Variants in PRKCA observed in about 807,000 individuals in gnomAD.
PRKCA encodes protein kinase C alpha, also known as protein kinase C alpha type.
PRKCA carries 27 observed loss-of-function variants against 87.0 expected under a neutral mutation model. The observed-to-expected ratio is 0.31, with a 90% CI of 0.23 to 0.43. The LOEUF (loss-of-function observed/expected upper bound fraction) is 0.43. PRKCA is among the 20% of genes least tolerant of loss of function. PRKCA has a pLI of 1.00. For synonymous variants in PRKCA, 329 were observed against 311.1 expected, an observed-to-expected ratio of 1.06 and a Z score of -0.61; for missense variants, 518 against 852.3, an observed-to-expected ratio of 0.61 and a Z score of 4.88.
At chr17:66,693,627 C>T (rs939266759) in intron 8 of PRKCA, among the ~76,000 whole-genome samples, 15 of 152,140 alleles carry the variant, frequency 9.9e-5, no homozygotes, top group African/African-American at 3.4e-4. Context: ...ATGAGGCTCA[C>T]GGCCAGAGTT....
intron 11 of PRKCA, among the ~76,000 whole-genome samples, chr17:66,740,682 C>G (rs1974140546): frequency 6.6e-6 from 1 of 152,132 alleles, no homozygotes; most frequent in Admixed American, 6.5e-5. Flanking sequence ...TTAAAATACT[C>G]AGATTGTAAA....
At chr17:66,673,871 G>T (rs1375688151) in intron 5 of PRKCA, among the ~76,000 whole-genome samples, 1 of 152,184 alleles carries the variant, frequency 6.6e-6, no homozygotes, top group Admixed American at 6.5e-5. Flanking sequence ...GTGCTCTTTT[G>T]TCTTTGTGGG....
At chr17:66,392,567 A>C (rs976668941) in intron 2 of PRKCA, among the ~76,000 whole-genome samples, 1 of 152,124 alleles carries the variant, frequency 6.6e-6, no homozygotes, top group African/African-American at 2.4e-5. Context: ...GTCATTGAAA[A>C]AGTGCCTTTA....
chr17:66,462,278 A>G (rs1914888324), intron 2 of PRKCA, among the ~76,000 whole-genome samples: 1 of 152,182 alleles, frequency 6.6e-6, no homozygotes, highest in African/African-American at 2.4e-5. Flanking sequence ...ATTTTGTAGT[A>G]CACAAAGGGG....
intron 2 of PRKCA, among the ~76,000 whole-genome samples, chr17:66,343,469 G>A (rs1286936874): frequency 6.6e-6 from 1 of 152,112 alleles, no homozygotes; most frequent in African/African-American, 2.4e-5. Context: ...CTATTGAAGT[G>A]GTGTAAGTGA....
chr17:66,565,879 G>C (rs180800356), intron 3 of PRKCA, among the ~76,000 whole-genome samples: 2 of 152,058 alleles, frequency 1.3e-5, no homozygotes, highest in Admixed American at 6.6e-5. Context: ...CTGTTTTTGA[G>C]TCCGTTGACT....
intron 3 of PRKCA, among the ~76,000 whole-genome samples, chr17:66,576,280 A>G (rs916630003): frequency 6.6e-6 from 1 of 152,258 alleles, no homozygotes; most frequent in Non-Finnish European, 1.5e-5. Flanking sequence ...GGATATGTGC[A>G]TGGGAAGATG....
intron 2 of PRKCA, among the ~76,000 whole-genome samples, chr17:66,494,450 G>C (rs1916378076): frequency 6.6e-6 from 1 of 152,168 alleles, no homozygotes; most frequent in Non-Finnish European, 1.5e-5. Flanking sequence ...GAAGGCAGAA[G>C]GGCAAAGAGA....
chr17:66,658,957 G>C (rs1971812403), intron 5 of PRKCA, among the ~76,000 whole-genome samples: 1 of 152,170 alleles, frequency 6.6e-6, no homozygotes, highest in Non-Finnish European at 1.5e-5. Context: ...AAATTGGAAG[G>C]CCTCTGTATG....
At chr17:66,754,494 C>T (rs940913662) in intron 13 of PRKCA, among the ~76,000 whole-genome samples, 14 of 152,122 alleles carry the variant, frequency 9.2e-5, no homozygotes, top group Non-Finnish European at 1.2e-4. Context: ...CAGTGGTAAA[C>T]GAGGGTACGA....
chr17:66,455,840 T>A (rs1454835790), intron 2 of PRKCA, among the ~76,000 whole-genome samples: 1 of 152,156 alleles, frequency 6.6e-6, no homozygotes, highest in Non-Finnish European at 1.5e-5. Flanking sequence ...ATTTATTTGC[T>A]CTCTCTTTTC....
chr17:66,595,722 G>C (rs1969955484), intron 3 of PRKCA, among the ~76,000 whole-genome samples: 1 of 151,912 alleles, frequency 6.6e-6, no homozygotes, highest in Admixed American at 6.6e-5. Context: ...CGGCCTCCTG[G>C]ATTATAGGCG....
chr17:66,681,684 T>C (rs1297482972), intron 5 of PRKCA, among the ~76,000 whole-genome samples: 1 of 152,194 alleles, frequency 6.6e-6, no homozygotes. Flanking sequence ...GCCATACAGC[T>C]AATAAGTGGC....
At chr17:66,625,025 G>C (rs529596816) in intron 3 of PRKCA, among the ~76,000 whole-genome samples, 20 of 152,126 alleles carry the variant, frequency 1.3e-4, no homozygotes, top group Non-Finnish European at 7.4e-5. Context: ...GCTGGATCAC[G>C]AATTTTCTGA....
At chr17:66,558,852 T>C (rs186165702) in intron 3 of PRKCA, among the ~76,000 whole-genome samples, 1 of 152,308 alleles carries the variant, frequency 6.6e-6, no homozygotes, top group East Asian at 1.9e-4. Context: ...GCCATGGACC[T>C]GAGGGGTAAT....
chr17:66,781,940 G>A (rs1975241920), intron 14 of PRKCA, among the ~76,000 whole-genome samples: 1 of 151,366 alleles, frequency 6.6e-6, no homozygotes, highest in Admixed American at 6.6e-5. Flanking sequence ...GTGTGACAGA[G>A]TCTTGCTCTG....
intron 16 of PRKCA, among the ~76,000 whole-genome samples, chr17:66,798,407 A>ATGG (rs1975727297): frequency 6.3e-5 from 3 of 47,534 alleles, no homozygotes; most frequent in Non-Finnish European, 1.2e-4. Context: ...GGTGGTGGTG[A>ATGG]TGGTGATGGT....
chr17:66,318,812 G>A (rs1387697449), intron 2 of PRKCA, among the ~76,000 whole-genome samples: 3 of 151,546 alleles, frequency 2.0e-5, no homozygotes, highest in African/African-American at 7.3e-5. Context: ...CCAAGATCAC[G>A]CCACTGTACT....
chr17:66,736,026 G>A (rs1974017180), intron 10 of PRKCA, among the ~76,000 whole-genome samples: 1 of 144,394 alleles, frequency 6.9e-6, no homozygotes, highest in Non-Finnish European at 1.5e-5. Context: ...GACCACAGAT[G>A]TACCCCACCA....
Sources: gnomAD v4.1 joint callset for allele counts (sites outside exome capture counted in the v4.1 genomes callset) on GRCh38, gnomAD v4.1.1 for gene constraint, MANE v1.5 for transcripts, NCBI Gene and HGNC (gene_info 2026-07-23, HGNC 2026-07-21) for gene names.